Variants in KCNG3 observed in about 807,000 individuals in gnomAD.
The protein encoded by KCNG3 is potassium voltage-gated channel modifier subfamily G member 3.
A neutral mutation model predicts 29.0 loss-of-function variants in KCNG3; 15 were observed. That is an observed-to-expected ratio of 0.52 (90% confidence interval 0.35 to 0.80). KCNG3 has a LOEUF of 0.80. KCNG3 is among the 30% of genes least tolerant of loss of function. KCNG3 has a pLI of 0.01. For missense variants in KCNG3, 512 were observed against 605.7 expected, an observed-to-expected ratio of 0.85 and a Z score of 1.62; for synonymous variants, 322 against 248.9, an observed-to-expected ratio of 1.29 and a Z score of -2.76.
At chr2:42,465,955 AC>A (rs1187026759) in intron 1 of KCNG3, among the ~76,000 whole-genome samples, 17 of 152,244 alleles carry the variant, frequency 1.1e-4, no homozygotes, top group Non-Finnish European at 2.2e-4. Flanking sequence ...AATTTGTAAA[AC>A]CAATAACACC....
At chr2:42,454,116 C>T (rs1010319265) in intron 1 of KCNG3, among the ~76,000 whole-genome samples, 8 of 150,252 alleles carry the variant, frequency 5.3e-5, no homozygotes, top group African/African-American at 1.5e-4. Context: ...AAAAATCACA[C>T]CAGAAAATCA....
chr2:42,421,532 A>C, the KCNG3 span, among the ~76,000 whole-genome samples: 2 of 152,150 alleles, frequency 1.3e-5, no homozygotes, highest in Non-Finnish European at 2.9e-5. Flanking sequence ...TTTTTTCTTA[A>C]TGAACAAGAG....
chr2:42,473,314 T>TA (rs1045606237), intron 1 of KCNG3, among the ~76,000 whole-genome samples: 19 of 152,258 alleles, frequency 1.2e-4, no homozygotes, highest in African/African-American at 4.6e-4. Flanking sequence ...CTTTTATGCA[T>TA]AATTTCCTCT....
chr2:42,436,880 A>C, the KCNG3 span, among the ~76,000 whole-genome samples: 1 of 152,324 alleles, frequency 6.6e-6, no homozygotes, highest in South Asian at 2.1e-4. Flanking sequence ...CTTATACAAG[A>C]ATGCCCTTCT....
At chr2:42,422,022 T>TA in the KCNG3 span, among the ~76,000 whole-genome samples, 1 of 152,170 alleles carries the variant, frequency 6.6e-6, no homozygotes, top group Non-Finnish European at 1.5e-5. Context: ...GAAAATAATG[T>TA]AATGAAGTAA....
At chr2:42,449,389 C>T (rs1428524343) in intron 1 of KCNG3, among the ~76,000 whole-genome samples, 2 of 150,892 alleles carry the variant, frequency 1.3e-5, no homozygotes, top group Non-Finnish European at 2.9e-5. Flanking sequence ...TACACATTGT[C>T]TATGGCTGTT....
At chr2:42,391,411 C>T in the KCNG3 span, among the ~76,000 whole-genome samples, 1 of 152,120 alleles carries the variant, frequency 6.6e-6, no homozygotes, top group Non-Finnish European at 1.5e-5. Flanking sequence ...TAGCTTGCAA[C>T]AGCATCCTTA....
chr2:42,399,864 AG>A, the KCNG3 span, among the ~76,000 whole-genome samples: 3 of 152,142 alleles, frequency 2.0e-5, no homozygotes, highest in Non-Finnish European at 4.4e-5. Context: ...ACCATGGACC[AG>A]GGTCTGACTC....
chr2:42,491,875 G>A (rs1313795497), intron 1 of KCNG3, among the ~76,000 whole-genome samples: 1 of 152,152 alleles, frequency 6.6e-6, no homozygotes, highest in Non-Finnish European at 1.5e-5. Flanking sequence ...ATGGAAGGAG[G>A]ATCTTAAGAC....
chr2:42,397,020 AG>A, the KCNG3 span, among the ~76,000 whole-genome samples: 1 of 152,114 alleles, frequency 6.6e-6, no homozygotes, highest in Non-Finnish European at 1.5e-5. Context: ...GCACTTTGGG[AG>A]GCCAAAGTGG....
At chr2:42,431,816 T>C in the KCNG3 span, among the ~76,000 whole-genome samples, 11 of 152,116 alleles carry the variant, frequency 7.2e-5, no homozygotes, top group South Asian at 2.3e-3. Flanking sequence ...CGTGGGCGGA[T>C]CACCTGAGGT....
At chr2:42,482,895 T>A (rs1345946227) in intron 1 of KCNG3, among the ~76,000 whole-genome samples, 1 of 151,972 alleles carries the variant, frequency 6.6e-6, no homozygotes, top group African/African-American at 2.4e-5. Context: ...CCGAGATACA[T>A]GGATCACTCA....
downstream of KCNG3, among the ~76,000 whole-genome samples, chr2:42,438,776 G>A (rs1285825307): frequency 6.6e-6 from 1 of 152,170 alleles, no homozygotes; most frequent in Non-Finnish European, 1.5e-5. Flanking sequence ...CATGCTTCTG[G>A]ATGACATTTC....
Position 42,488,801 on chromosome 2 carries a change from C to T in KCNG3, c.665+4036G>A, listed in dbSNP as rs543753785. Among the ~76,000 whole-genome samples, 12 of 152,154 alleles carry T rather than the reference C, an allele frequency of 7.9e-5. No individual in the cohort carries two copies. In the South Asian group the frequency reaches 1.7e-3, roughly 21 times the overall value. ...CTGACCTCAGGTGATCCGCCTGCCT[C>T]GGCCTCCCAAAGTGCTGGAATTACA... On this transcript the variant is annotated intron_variant, in intron 1 of 1. Transcript: ENST00000306078.
intron 1 of KCNG3, among the ~76,000 whole-genome samples, chr2:42,478,786 T>C (rs1673505980): frequency 6.6e-6 from 1 of 152,140 alleles, no homozygotes; most frequent in African/African-American, 2.4e-5. Context: ...CAAGAGTTAC[T>C]GGGTAATATT....
intron 1 of KCNG3, among the ~76,000 whole-genome samples, chr2:42,474,985 C>T (rs538548849): frequency 6.6e-6 from 1 of 152,240 alleles, no homozygotes; most frequent in African/African-American, 2.4e-5. Flanking sequence ...AGGAAGCTAC[C>T]TTATTTCCTG....
rs115556244 is a variant in KCNG3 at position 42,479,255 on chromosome 2, C to G, written c.665+13582G>C. ...ATAGATACAAAGAATAAAGCACTTA[C>G]TAGAACCCAGAAGTAACTTGCCATC... is the stretch of plus-strand genomic sequence containing the variant. On this transcript the variant is annotated intron_variant, in intron 1 of 1. Transcript: ENST00000306078. Among the ~76,000 whole-genome samples the G allele has an allele frequency of 6.8e-3, 1,028 of 152,254 alleles. 12 individuals carry two copies. The highest frequency in any genetic ancestry group is 0.024 in the African/African-American group (991 of 41,534).
intron 1 of KCNG3, among the ~76,000 whole-genome samples, chr2:42,479,523 G>A (rs915528376): frequency 6.6e-6 from 1 of 151,776 alleles, no homozygotes; most frequent in Non-Finnish European, 1.5e-5. Context: ...GTGCATGCTT[G>A]TAGTCCCAGC....
chr2:42,428,764 A>T, the KCNG3 span, among the ~76,000 whole-genome samples: 1 of 152,144 alleles, frequency 6.6e-6, no homozygotes, highest in African/African-American at 2.4e-5. Flanking sequence ...CAACTCAAAT[A>T]CCACTTCCAC....
Sources: allele counts gnomAD v4.1 joint callset (sites outside exome capture counted in the v4.1 genomes callset), GRCh38; gene constraint gnomAD v4.1.1; transcripts MANE v1.5; gene names NCBI Gene and HGNC (gene_info 2026-07-23, HGNC 2026-07-21).